CPO: variants seen among roughly 807,000 people sequenced by gnomAD.
CPO encodes the protein carboxypeptidase O.
A neutral mutation model predicts 41.2 loss-of-function variants in CPO; 43 were observed. The observed-to-expected ratio is 1.04, with a 90% confidence interval of 0.82 to 1.35. The LOEUF (loss-of-function observed/expected upper bound fraction) is 1.35, where lower values mean the gene tolerates loss of function less well. CPO is among the 40% of genes most tolerant of loss of function. The pLI is 0.00. For synonymous variants in CPO, 178 were observed against 162.7 expected (o/e 1.09, Z -0.72); for missense variants, 408 against 451.7 (o/e 0.90, Z 0.88).
At position 206,968,317 on chromosome 2, in the gene CPO, T is replaced by G. The variant is rs1197910165; in HGVS notation, c.832T>G (p.Tyr278Asp). 6.2e-7 allele frequency: 1 copy of G among 1,611,318 alleles called. No individual in the cohort carries two copies. Among genetic ancestry groups the G allele is most frequent in the South Asian group, 1.1e-5 (1 of 91,006 alleles). ...NALKAKYGTN[Y>D]RVGSSADILY... Reference sequence around the variant, plus strand: ...ATTGAAAGCAAAGTATGGAACCAATTATAGAGTTGGATCGAGTGCAGATAT... The same window carrying G: ...ATTGAAAGCAAAGTATGGAACCAATGATAGAGTTGGATCGAGTGCAGATAT... The change falls in exon 8 of 9, where the codon TAT (tyrosine) becomes GAT (aspartate). Residue 278 changes from tyrosine (Y) to aspartate (D), a missense_variant. Transcript: ENST00000272852.
At chr2:206,957,867 G>A (rs1165419316) in intron 3 of CPO, among the ~76,000 whole-genome samples, 1 of 152,168 alleles carries the variant, frequency 6.6e-6, no homozygotes, top group Non-Finnish European at 1.5e-5. Flanking sequence ...AGTGGAGATT[G>A]GGATTCATTT....
intron 1 of CPO, among the ~76,000 whole-genome samples, chr2:206,943,329 T>G (rs1210659843): frequency 6.6e-6 from 1 of 152,130 alleles, no homozygotes; most frequent in African/African-American, 2.4e-5. Context: ...AAACAGCCAG[T>G]GTGAGGAATG....
intron 4 of CPO, among the ~76,000 whole-genome samples, 196 bp from the exon 5 acceptor site, chr2:206,959,435 A>C (rs2105826637): frequency 6.6e-6 from 1 of 152,278 alleles, no homozygotes; most frequent in South Asian, 2.1e-4. Context: ...TCTGTGTCTT[A>C]ACAGGTCCCT....
In CPO at chr2:206,949,611, T is replaced by A. The variant is rs764927625; in HGVS notation, c.69-6T>A. 4 of 1,610,010 alleles carry A rather than the reference T, an allele frequency of 2.5e-6. No homozygotes were observed. The South Asian group carries it at 3.3e-5, about 13-fold the overall frequency. Reference sequence around the variant, plus strand: ...TGCTTTTCCTCTTACTTTCTTCCCTTTGCAGATCCTTAGCCCAACACAGAC... The same window carrying A: ...TGCTTTTCCTCTTACTTTCTTCCCTATGCAGATCCTTAGCCCAACACAGAC... On this transcript the variant is annotated splice_polypyrimidine_tract_variant and splice_region_variant and intron_variant, in intron 1 of 8. Transcript: ENST00000272852.
chr2:206,957,301 G>A (rs551331277), intron 3 of CPO, among the ~76,000 whole-genome samples: 96 of 151,678 alleles, frequency 6.3e-4, no homozygotes, highest in Non-Finnish European at 9.1e-4. Flanking sequence ...GCTTGAACCC[G>A]AGAGGTGGAG....
At chr2:206,943,109 A>G (rs914860009) in intron 1 of CPO, among the ~76,000 whole-genome samples, 6 of 152,168 alleles carry the variant, frequency 3.9e-5, no homozygotes, top group African/African-American at 7.2e-5. Flanking sequence ...AGGGAATCCC[A>G]GCCCAATTGA....
intron 1 of CPO, among the ~76,000 whole-genome samples, chr2:206,940,390 A>T (rs2105816510): frequency 6.6e-6 from 1 of 152,244 alleles, no homozygotes; most frequent in South Asian, 2.1e-4. Flanking sequence ...AGATTACATC[A>T]GTCTACACTT....
chr2:206,955,903 TTTATA>T (rs2105824757), intron 3 of CPO, among the ~76,000 whole-genome samples: 1 of 152,296 alleles, frequency 6.6e-6, no homozygotes, highest in African/African-American at 2.4e-5. Context: ...TGTTATTTTG[TTTATA>T]TTTTTAAATT....
intron 7 of CPO, 78 bp from the exon 8 acceptor site, chr2:206,968,185 T>G: frequency 2.0e-6 from 2 of 1,009,484 alleles, no homozygotes; most frequent in Non-Finnish European, 3.1e-6. Context: ...GAGATGAATC[T>G]GGACAAAACA....
chr2:206,943,834 T>G (rs1197058075), intron 1 of CPO, among the ~76,000 whole-genome samples: 1 of 151,878 alleles, frequency 6.6e-6, no homozygotes, highest in Non-Finnish European at 1.5e-5. Context: ...TAGAACAGTT[T>G]CTAGCATACA....
At chr2:206,960,168 C>A (rs1325920850) in intron 5 of CPO, among the ~76,000 whole-genome samples, 1 of 152,272 alleles carries the variant, frequency 6.6e-6, no homozygotes, top group Admixed American at 6.5e-5. Context: ...ACACAGGGGG[C>A]AAACATCACA....
At chr2:206,960,970 T>G in intron 6 of CPO, 28 bp downstream of exon 6, 1 of 1,412,444 alleles carries the variant, frequency 7.1e-7, no homozygotes, top group East Asian at 2.3e-5. Context: ...AGATGAATTA[T>G]GAACAAATAA....
chr2:206,962,448 T>A lies in CPO; in HGVS notation c.611T>A (p.Phe204Tyr). The A allele has an allele frequency of 6.2e-7, 1 of 1,614,130 alleles. No homozygotes were observed. The highest frequency in any genetic ancestry group is 8.5e-7 in the Non-Finnish European group (1 of 1,179,996). ...TCTAGAAACTGCCAAGATCAAACAT[T>A]CTGTGGGACAGGGCCAGTGTCTGAA... ...GASRNCQDQT[F>Y]CGTGPVSEPE... Residue 204 changes from phenylalanine to tyrosine, a missense_variant, in exon 7 of 9, where the codon TTC becomes TAC. Physicochemically the swap from Phe to Tyr is conservative, Grantham distance 22 (BLOSUM62 3). Transcript: ENST00000272852.
intron 2 of CPO, among the ~76,000 whole-genome samples, chr2:206,954,866 G>A (rs1260503611): frequency 1.3e-5 from 2 of 152,108 alleles, no homozygotes; most frequent in Non-Finnish European, 2.9e-5. Context: ...AAGGGGTTGG[G>A]GGTGGCACCT....
At position 206,962,538 on chromosome 2, in the gene CPO, C is replaced by G. The variant is rs1234876915; in HGVS notation, c.701C>G (p.Thr234Ser). The change falls in exon 7 of 9, where the codon ACC (threonine) becomes AGC (serine). Residue 234 changes from threonine to serine, a missense_variant. Transcript: ENST00000272852. ...SKKDDILCFL[T>S]MHSYGQLILT... ...AAGGATGATATTTTGTGCTTCCTGA[C>G]CATGCACTCTTATGGGCAGTTAATT... 1 of 1,614,104 alleles carries G rather than the reference C, an allele frequency of 6.2e-7. No homozygotes were observed. The highest frequency in any genetic ancestry group is 1.7e-5 in the Admixed American group (1 of 60,016).
intron 7 of CPO, among the ~76,000 whole-genome samples, chr2:206,963,334 T>C (rs1182822618): frequency 6.6e-6 from 1 of 151,298 alleles, no homozygotes; most frequent in Admixed American, 6.6e-5. Flanking sequence ...TTATTTTTAT[T>C]TTTTTTCCGT....
In CPO at chr2:206,956,986, A is replaced by T. The variant is rs541004960; in HGVS notation, c.268-1315A>T. Among the ~76,000 whole-genome samples, 78 of 152,370 alleles carry T rather than the reference A, an allele frequency of 5.1e-4. No individual in the cohort carries two copies. In the South Asian group the frequency reaches 0.016, roughly 30 times the overall value. ...TCTAAATATCCTCTGCCTAGGGCAT[A>T]TTAAAAAGAATAGAACATAATAAAG... On this transcript the variant is annotated intron_variant, in intron 3 of 8. Transcript: ENST00000272852.
At chr2:206,954,161 ACTC>A (rs1030349002) in intron 2 of CPO, among the ~76,000 whole-genome samples, 9 of 151,740 alleles carry the variant, frequency 5.9e-5, no homozygotes, top group Non-Finnish European at 1.0e-4. Flanking sequence ...TTAATAATTG[ACTC>A]CTCATTACTT....
chr2:206,942,272 A>G (rs1353114248), intron 1 of CPO, among the ~76,000 whole-genome samples: 1 of 152,150 alleles, frequency 6.6e-6, no homozygotes, highest in African/African-American at 2.4e-5. Context: ...AAATGCACAG[A>G]TAAAAGTCTG....
Sources: gnomAD v4.1 joint callset for allele counts (sites outside exome capture counted in the v4.1 genomes callset) on GRCh38, gnomAD v4.1.1 for gene constraint, MANE v1.5 for transcripts, NCBI Gene and HGNC (gene_info 2026-07-23, HGNC 2026-07-21) for gene names.